STAP1: variants seen among roughly 807,000 people sequenced by gnomAD.
STAP1 encodes signal transducing adaptor family member 1, also known as signal-transducing adaptor protein 1.
In STAP1, 30 loss-of-function variants were observed where a neutral mutation model predicts 37.8. The observed-to-expected ratio is 0.79, with a 90% CI of 0.59 to 1.08. The LOEUF (loss-of-function observed/expected upper bound fraction) is 1.08. STAP1 is among the 50% of genes least tolerant of loss of function. STAP1 has a pLI of 0.00. For synonymous variants in STAP1, 130 were observed against 116.0 expected, an observed-to-expected ratio of 1.12 and a Z score of -0.78; for missense variants, 357 against 349.4, an observed-to-expected ratio of 1.02 and a Z score of -0.17.
intron 6 of STAP1, among the ~76,000 whole-genome samples, chr4:67,584,985 A>G (rs746599007): frequency 8.5e-5 from 13 of 152,332 alleles, no homozygotes; most frequent in Non-Finnish European, 1.2e-4. Flanking sequence ...TAACACTTAA[A>G]TGCAAACGTT....
At chr4:67,579,424 AT>A (rs201301393) in intron 4 of STAP1, among the ~76,000 whole-genome samples, 2 of 151,488 alleles carry the variant, frequency 1.3e-5, no homozygotes, top group Admixed American at 6.6e-5. Flanking sequence ...TCTGTGCTTG[AT>A]TTTTTTTTCT....
At chr4:67,575,563 T>G (rs1727702089) in intron 3 of STAP1, 65 bp downstream of exon 3, 2 of 1,171,426 alleles carry the variant, frequency 1.7e-6, no homozygotes, top group Admixed American at 4.4e-5. Context: ...TCACATCCAG[T>G]GGCTGAAGTA....
At chr4:67,603,483 G>A (rs1728387911) in intron 8 of STAP1, among the ~76,000 whole-genome samples, 1 of 152,068 alleles carries the variant, frequency 6.6e-6, no homozygotes, top group Non-Finnish European at 1.5e-5. Flanking sequence ...AATGTGCTGG[G>A]TCATACCTGA....
chr4:67,598,392 C>T (rs1269459965), intron 8 of STAP1, among the ~76,000 whole-genome samples: 2 of 152,058 alleles, frequency 1.3e-5, no homozygotes, highest in Admixed American at 6.5e-5. Flanking sequence ...TTTACATTCC[C>T]ACTAACAGTG....
intron 1 of STAP1, among the ~76,000 whole-genome samples, chr4:67,567,487 G>A (rs1388994499): frequency 2.6e-5 from 4 of 152,184 alleles, no homozygotes; most frequent in Non-Finnish European, 1.5e-5. Flanking sequence ...AAGTCTTACT[G>A]TATGTACCTC....
chr4:67,604,092 C>T (rs1728400695), intron 8 of STAP1, among the ~76,000 whole-genome samples: 1 of 152,242 alleles, frequency 6.6e-6, no homozygotes, highest in Admixed American at 6.5e-5. Flanking sequence ...GGTCTAAATG[C>T]TCCCTTCTGT....
chr4:67,597,590 A>T (rs756990359), intron 8 of STAP1, among the ~76,000 whole-genome samples: 3 of 152,176 alleles, frequency 2.0e-5, no homozygotes, highest in Non-Finnish European at 4.4e-5. Flanking sequence ...GCCGCAGGGG[A>T]TGTACCCTGC....
intron 1 of STAP1, among the ~76,000 whole-genome samples, chr4:67,562,250 G>T (rs1727365172): frequency 2.0e-5 from 3 of 151,536 alleles, no homozygotes; most frequent in Admixed American, 1.3e-4. Context: ...GCTGAGGCAG[G>T]AGAATCGCTT....
intron 5 of STAP1, among the ~76,000 whole-genome samples, chr4:67,581,988 T>A (rs1341434994): frequency 6.6e-6 from 1 of 152,142 alleles, no homozygotes; most frequent in Non-Finnish European, 1.5e-5. Flanking sequence ...TACATTTATT[T>A]TTTATATTAT....
chr4:67,574,339 T>C (rs1484392442), intron 2 of STAP1, among the ~76,000 whole-genome samples: 1 of 152,084 alleles, frequency 6.6e-6, no homozygotes, highest in African/African-American at 2.4e-5. Flanking sequence ...ATCTGCTCTT[T>C]CCATAATAAA....
chr4:67,581,180 A>G, intron 4 of STAP1, 125 bp from the exon 5 acceptor site: 4 of 872,962 alleles, frequency 4.6e-6, no homozygotes, highest in Non-Finnish European at 6.8e-6. Flanking sequence ...TTATTCCCTT[A>G]GTCCCTACTC....
At chr4:67,570,561 C>T (rs1022165819) in intron 1 of STAP1, among the ~76,000 whole-genome samples, 10 of 151,996 alleles carry the variant, frequency 6.6e-5, no homozygotes, top group Non-Finnish European at 1.2e-4. Flanking sequence ...ACTCTGGAGG[C>T]TGGAGTGGGA....
chr4:67,587,620 G>A (rs371277333), intron 6 of STAP1, among the ~76,000 whole-genome samples: 1 of 152,070 alleles, frequency 6.6e-6, no homozygotes, highest in South Asian at 2.1e-4. Context: ...GAAGCAGTAG[G>A]AAATATTTAC....
Position 67,563,152 on chromosome 4 carries a change from A to AAGAGAT in STAP1, c.120+4225_120+4230dup, listed in dbSNP as rs536155463. Reference sequence around the variant, plus strand: ...AATGAGAAAAGAGCACTGGGAAGTCAAGAGATAAAAGTATCAGTCCAATTC... The same window carrying AAGAGAT: ...AATGAGAAAAGAGCACTGGGAAGTCAAGAGATAGAGATAAAAGTATCAGTCCAATTC... On this transcript the variant is annotated intron_variant, in intron 1 of 8. Coordinates refer to ENST00000265404, the MANE Select transcript of STAP1 (RefSeq NM_012108.4). 1.4e-3 allele frequency among the ~76,000 whole-genome samples: 216 copies of AAGAGAT among 152,322 alleles called. 3 individuals are homozygous for AAGAGAT. The highest frequency in any genetic ancestry group is 4.8e-3 in the African/African-American group (198 of 41,582).
Position 67,571,121 on chromosome 4 carries a change from C to T in STAP1, c.158C>T (p.Thr53Ile), listed in dbSNP as rs1406508982. 18 of 1,611,586 alleles carry T rather than the reference C, an allele frequency of 1.1e-5. No homozygotes were observed. Among genetic ancestry groups the T allele is most frequent in the Non-Finnish European group, 1.4e-5 (17 of 1,178,008 alleles). ...TACTGGACAGAGTTGAGAGGAACTACTCTTTTCTTTTATACCGACAAAAAG... is the reference window on the plus strand; with the variant it reads ...TACTGGACAGAGTTGAGAGGAACTATTCTTTTCTTTTATACCGACAAAAAG... The part of the protein sequence containing the change: ...EHYWTELRGT[T>I]LFFYTDKKSI... Residue 53 changes from threonine to isoleucine, a missense_variant, in exon 2 of 9, where the codon ACT becomes ATT. Physicochemically the swap from Thr to Ile is moderately conservative, Grantham distance 89. Coordinates refer to ENST00000265404, the MANE Select transcript of STAP1 (RefSeq NM_012108.4).
chr4:67,602,208 C>A (rs1268223676), intron 8 of STAP1, among the ~76,000 whole-genome samples: 1 of 151,866 alleles, frequency 6.6e-6, no homozygotes, highest in Non-Finnish European at 1.5e-5. Flanking sequence ...TTATTTCAAT[C>A]TCTTTGTTAA....
intron 8 of STAP1, among the ~76,000 whole-genome samples, chr4:67,596,273 T>C (rs1728221747): frequency 6.6e-6 from 1 of 152,192 alleles, no homozygotes. Context: ...CGTGTCTTGC[T>C]TCCCCTTCAC....
intron 6 of STAP1, among the ~76,000 whole-genome samples, chr4:67,588,593 G>T (rs1034099653): frequency 1.3e-5 from 2 of 151,848 alleles, no homozygotes; most frequent in African/African-American, 4.8e-5. Flanking sequence ...GTATTTTTAG[G>T]AGAGACGGGG....
chr4:67,604,277 T>C (rs1049719524), intron 8 of STAP1, among the ~76,000 whole-genome samples: 3 of 152,246 alleles, frequency 2.0e-5, no homozygotes, highest in African/African-American at 7.2e-5. Context: ...AATTCAAGAC[T>C]ATTTTTCCTA....
Sources: gnomAD v4.1 joint callset for allele counts (sites outside exome capture counted in the v4.1 genomes callset) on GRCh38, gnomAD v4.1.1 for gene constraint, MANE v1.5 for transcripts, NCBI Gene and HGNC (gene_info 2026-07-23, HGNC 2026-07-21) for gene names.